Variants in TMEM163 observed in about 807,000 individuals in gnomAD.
TMEM163 encodes the protein transmembrane protein 163.
Under a neutral mutation model 29.3 loss-of-function variants are expected in TMEM163, and 17 were observed. The observed-to-expected ratio is 0.58, with a 90% CI of 0.40 to 0.87. TMEM163 has a LOEUF of 0.87. TMEM163 is among the 40% of genes least tolerant of loss of function. TMEM163 has a pLI of 0.00. For missense variants in TMEM163, 303 were observed against 381.5 expected (o/e 0.79, Z 1.71); for synonymous variants, 157 against 160.6 (o/e 0.98, Z 0.17).
intron 2 of TMEM163, among the ~76,000 whole-genome samples, chr2:134,583,850 C>A (rs1318077676): frequency 6.6e-6 from 1 of 152,138 alleles, no homozygotes; most frequent in Non-Finnish European, 1.5e-5. Flanking sequence ...GTAGCTTTCT[C>A]AGGGAGGCTT....
chr2:134,711,326 T>C (rs527531326), intron 2 of TMEM163, among the ~76,000 whole-genome samples: 1 of 152,242 alleles, frequency 6.6e-6, no homozygotes, highest in African/African-American at 2.4e-5. Context: ...CACACACAAA[T>C]ACTAAAGCTA....
chr2:134,496,164 C>T (rs1246205450), intron 5 of TMEM163, among the ~76,000 whole-genome samples: 2 of 152,040 alleles, frequency 1.3e-5, no homozygotes, highest in Non-Finnish European at 2.9e-5. Flanking sequence ...AGGGTTCAAC[C>T]AATTCTCCTG....
At chr2:134,540,347 G>A (rs931265062) in intron 4 of TMEM163, among the ~76,000 whole-genome samples, 1 of 152,216 alleles carries the variant, frequency 6.6e-6, no homozygotes, top group Admixed American at 6.5e-5. Flanking sequence ...CCCTGCAGTG[G>A]CCCAGGCAGT....
chr2:134,570,469 T>TATATACATATACATATAC lies in TMEM163; in HGVS notation c.323-18396_323-18379dup, dbSNP rs199827256. On this transcript the variant is annotated intron_variant, in intron 2 of 7. Coordinates refer to ENST00000281924, the MANE Select transcript of TMEM163 (RefSeq NM_030923.5). ...AGATAAGGGGGTACTACTACATATA[T>TATATACATATACATATAC]ATATACATATACATATACATATACA... 2.9e-3 allele frequency among the ~76,000 whole-genome samples: 418 copies of TATATACATATACATATAC among 145,188 alleles called. 4 individuals carry two copies. The highest frequency in any genetic ancestry group is 0.011 in the Middle Eastern group (3 of 284).
chr2:134,462,162 G>GTC (rs58581077), intron 6 of TMEM163, among the ~76,000 whole-genome samples: 20,910 of 151,342 alleles, frequency 0.14, 1,728 homozygotes, highest in African/African-American at 0.22. Flanking sequence ...TCTGCTCTCT[G>GTC]TCTCTCTCTC....
intron 4 of TMEM163, among the ~76,000 whole-genome samples, chr2:134,527,139 A>G (rs1343887200): frequency 6.6e-6 from 1 of 152,182 alleles, no homozygotes. Context: ...AGTCATGACT[A>G]TTAGCTATAA....
intron 2 of TMEM163, among the ~76,000 whole-genome samples, chr2:134,626,777 A>G (rs1243447060): frequency 6.6e-6 from 1 of 152,252 alleles, no homozygotes; most frequent in Non-Finnish European, 1.5e-5. Flanking sequence ...GCTTATGGGT[A>G]GGTCAAACAT....
intron 2 of TMEM163, among the ~76,000 whole-genome samples, chr2:134,574,850 G>A (rs2104788210): frequency 6.6e-6 from 1 of 152,348 alleles, no homozygotes; most frequent in East Asian, 1.9e-4. Context: ...GTGAGGGATA[G>A]AGTGGCTGCT....
intron 2 of TMEM163, among the ~76,000 whole-genome samples, chr2:134,623,331 C>T (rs1213376155): frequency 6.6e-6 from 1 of 152,176 alleles, no homozygotes; most frequent in Non-Finnish European, 1.5e-5. Context: ...CAATCTTATA[C>T]TTGAGTTAGT....
chr2:134,630,682 C>G (rs1184288581), intron 2 of TMEM163, among the ~76,000 whole-genome samples: 3 of 152,178 alleles, frequency 2.0e-5, no homozygotes, highest in African/African-American at 7.2e-5. Context: ...CAGCCAGGTC[C>G]TCTCCCCTGG....
intron 1 of TMEM163, 53 bp downstream of exon 1, chr2:134,718,681 G>A (rs1685093415): frequency 9.0e-7 from 1 of 1,108,840 alleles, no homozygotes. Flanking sequence ...GGGGAGAGGC[G>A]GGCCCCGAGC....
chr2:134,634,991 G>A (rs1037721277), intron 2 of TMEM163, among the ~76,000 whole-genome samples: 1 of 152,236 alleles, frequency 6.6e-6, no homozygotes, highest in African/African-American at 2.4e-5. Context: ...AAGAATCTCA[G>A]CCAGAAGAAT....
intron 2 of TMEM163, among the ~76,000 whole-genome samples, chr2:134,632,751 T>C (rs138361611): frequency 4.1e-4 from 62 of 151,892 alleles, no homozygotes; most frequent in Non-Finnish European, 6.2e-4. Flanking sequence ...CTTTTTTTTT[T>C]TTTCTTTTTG....
At position 134,524,625 on chromosome 2, in the gene TMEM163, G is replaced by A. The variant is rs941851761; in HGVS notation, c.459-21628C>T. On this transcript the variant is annotated intron_variant, in intron 4 of 7. Coordinates refer to ENST00000281924, the MANE Select transcript of TMEM163 (RefSeq NM_030923.5). ...CCACTTATGAGAACATGTGGTGTTC[G>A]GCTTTGTTCCTATGTCAGTTTGCTG... Among the ~76,000 whole-genome samples, 28 of 150,148 alleles carry A rather than the reference G, an allele frequency of 1.9e-4. 2 individuals carry two copies. Among genetic ancestry groups the A allele is most frequent in the Admixed American group, 8.0e-4 (12 of 15,080 alleles).
intron 2 of TMEM163, among the ~76,000 whole-genome samples, chr2:134,700,934 A>ATAAT (rs1271501122): frequency 6.8e-5 from 9 of 131,628 alleles, no homozygotes; most frequent in East Asian, 2.9e-4. Context: ...AAATAAATAA[A>ATAAT]TAAATAAATA....
intron 2 of TMEM163, among the ~76,000 whole-genome samples, chr2:134,675,266 A>G (rs1444561265): frequency 6.6e-6 from 1 of 152,272 alleles, no homozygotes; most frequent in South Asian, 2.1e-4. Flanking sequence ...GTAAACTATA[A>G]TAAAACACTC....
intron 2 of TMEM163, among the ~76,000 whole-genome samples, chr2:134,617,020 T>C (rs1303119849): frequency 6.6e-6 from 1 of 152,152 alleles, no homozygotes; most frequent in Non-Finnish European, 1.5e-5. Flanking sequence ...GAAATAGTAA[T>C]CATGCGGGCA....
At chr2:134,476,491 TA>T (rs1338057843) in intron 5 of TMEM163, among the ~76,000 whole-genome samples, 1 of 152,222 alleles carries the variant, frequency 6.6e-6, no homozygotes, top group Non-Finnish European at 1.5e-5. Flanking sequence ...CTAATTGTTT[TA>T]AAAAATACTA....
In TMEM163 at chr2:134,483,061, G is replaced by A. The variant is rs541576983; in HGVS notation, c.556-16836C>T. On this transcript the variant is annotated intron_variant, in intron 5 of 7. Transcript: ENST00000281924. ...ACAGGAAGCCACAGCAAAAGGTAAG[G>A]CAGCAGCGGCCGAGGGCTACGACCA... is the stretch of plus-strand genomic sequence containing the variant. 9.3e-4 allele frequency among the ~76,000 whole-genome samples: 141 copies of A among 152,220 alleles called. 2 individuals are homozygous for A. The highest frequency in any genetic ancestry group is 3.3e-3 in the African/African-American group (137 of 41,526).
Sources: allele counts gnomAD v4.1 joint callset (sites outside exome capture counted in the v4.1 genomes callset), GRCh38; gene constraint gnomAD v4.1.1; transcripts MANE v1.5; gene names NCBI Gene and HGNC (gene_info 2026-07-23, HGNC 2026-07-21).